Variants in ANAPC5 observed in about 807,000 individuals in gnomAD.
The protein encoded by ANAPC5 is anaphase-promoting complex subunit 5.
Under a neutral mutation model 91.3 loss-of-function variants are expected in ANAPC5, and 60 were observed. The ratio of observed to expected loss-of-function variants is 0.66; its 90% CI spans 0.53 to 0.81. ANAPC5 has a LOEUF of 0.81. Ranked by LOEUF, ANAPC5 falls within the 40% of genes least tolerant of loss-of-function variation. ANAPC5 has a pLI of 0.00. For synonymous variants in ANAPC5, 340 were observed against 364.1 expected (o/e 0.93, Z 0.75); for missense variants, 690 against 931.5 (o/e 0.74, Z 3.37).
intron 1 of ANAPC5, among the ~76,000 whole-genome samples, chr12:121,349,720 ATT>A (rs11408254): frequency 5.1e-5 from 7 of 138,264 alleles, no homozygotes; most frequent in Middle Eastern, 3.8e-3. Context: ...CACTGTTTCT[ATT>A]TTTTTTTTTT....
Position 121,309,785 on chromosome 12 carries a change from G to A in ANAPC5, c.1972C>T (p.Leu658=). ...AAGAACATGGCACGACCTTTGTCCAGGATAGCCCCGTCAGCCAAGATGGGC... is the reference window on the plus strand; with the variant it reads ...AAGAACATGGCACGACCTTTGTCCAAGATAGCCCCGTCAGCCAAGATGGGC... The part of the protein sequence containing the change: ...IEPILADGAI[L]DKGRAMFLVA... The change falls in exon 16 of 17, where the codon CTG becomes TTG. Residue 658 remains leucine, a synonymous_variant. Coordinates refer to ENST00000261819, the MANE Select transcript of ANAPC5 (RefSeq NM_016237.5). 1 of 1,614,182 alleles carries A rather than the reference G, an allele frequency of 6.2e-7. No individual in the cohort carries two copies. Among genetic ancestry groups the A allele is most frequent in the Middle Eastern group, 1.6e-4 (1 of 6,062 alleles).
intron 15 of ANAPC5, among the ~76,000 whole-genome samples, chr12:121,313,280 T>C (rs1015063151): frequency 1.2e-4 from 18 of 152,036 alleles, no homozygotes; most frequent in African/African-American, 4.1e-4. Context: ...GAGCCAAGAT[T>C]GCACCATTGC....
chr12:121,331,482 C>A, intron 7 of ANAPC5, 54 bp from the exon 8 acceptor site: 1 of 1,461,898 alleles, frequency 6.8e-7, no homozygotes, highest in East Asian at 2.3e-5. Context: ...CATGCATAAG[C>A]AACCATAGCA....
chr12:121,323,798 G>A (rs1382728791), intron 11 of ANAPC5, among the ~76,000 whole-genome samples: 2 of 152,172 alleles, frequency 1.3e-5, no homozygotes, highest in South Asian at 2.1e-4. Context: ...CATTATTCCT[G>A]TGATTTTAAC....
chr12:121,322,788 C>T, intron 11 of ANAPC5, among the ~76,000 whole-genome samples: 1 of 152,078 alleles, frequency 6.6e-6, no homozygotes, highest in East Asian at 1.9e-4. Context: ...TCTGGGAGGC[C>T]AAGGAGGGCA....
chr12:121,339,738 G>T (rs1209861580), intron 5 of ANAPC5, among the ~76,000 whole-genome samples: 1 of 152,102 alleles, frequency 6.6e-6, no homozygotes, highest in Non-Finnish European at 1.5e-5. Context: ...CAGATTGCTG[G>T]GATTACAGGC....
chr12:121,347,753 T>G, intron 2 of ANAPC5, 49 bp downstream of exon 2: 1 of 1,421,930 alleles, frequency 7.0e-7, no homozygotes, highest in Non-Finnish European at 9.9e-7. Flanking sequence ...TTTGTGATTT[T>G]CATCTACCTT....
At chr12:121,332,201 G>A (rs143099018) in intron 7 of ANAPC5, 6,459 of 152,314 alleles carry the variant, frequency 0.042, 170 homozygotes, top group South Asian at 0.088. Flanking sequence ...GGCCTCAAGC[G>A]ATCCTCCTTC....
chr12:121,352,809 G>A (rs925616722), upstream of ANAPC5, among the ~76,000 whole-genome samples: 6 of 144,990 alleles, frequency 4.1e-5, no homozygotes, highest in African/African-American at 1.5e-4. Context: ...ATTCGTAGAC[G>A]CCCTCAAAGA....
intron 11 of ANAPC5, among the ~76,000 whole-genome samples, 200 bp downstream of exon 11, chr12:121,326,896 T>C (rs2136780438): frequency 6.6e-6 from 1 of 152,316 alleles, no homozygotes; most frequent in South Asian, 2.1e-4. Flanking sequence ...CCTTCATTGA[T>C]GCCAAAAAAA....
At chr12:121,312,844 C>T (rs1427764073) in intron 15 of ANAPC5, among the ~76,000 whole-genome samples, 2 of 151,060 alleles carry the variant, frequency 1.3e-5, no homozygotes, top group African/African-American at 4.9e-5. Context: ...TGTGCCACTG[C>T]ACTCCAACCT....
chr12:121,346,838 T>G (rs1903684671), intron 3 of ANAPC5, 58 bp downstream of exon 3: 1 of 1,059,352 alleles, frequency 9.4e-7, no homozygotes, highest in Non-Finnish European at 1.4e-6. Flanking sequence ...AGACATGACT[T>G]AGAAAGCTGC....
intron 15 of ANAPC5, among the ~76,000 whole-genome samples, chr12:121,314,747 A>G (rs1278513631): frequency 6.6e-6 from 1 of 151,732 alleles, no homozygotes; most frequent in Non-Finnish European, 1.5e-5. Flanking sequence ...TCCTCAGCCT[A>G]CCTAGTAGCT....
At chr12:121,352,718 T>TTGTTGTTGGTGGTGGTGGTGGTGGTGG (rs71079056), upstream of ANAPC5, among the ~76,000 whole-genome samples, 48 of 102,436 alleles carry the variant, frequency 4.7e-4, 1 homozygote, top group Admixed American at 6.9e-4. Flanking sequence ...GTTGTTGTTG[T>TTGTTGTTGGTGGTGGTGGTGGTGGTGG]TGGTGGTGGT....
chr12:121,346,194 C>T (rs1262546938), intron 3 of ANAPC5, 163 bp from the exon 4 acceptor site: 6 of 593,628 alleles, frequency 1.0e-5, no homozygotes, highest in Admixed American at 3.3e-5. Context: ...TGTTCTTCCC[C>T]AGTCCTTTAC....
At chr12:121,327,333 C>T in intron 10 of ANAPC5, 102 bp from the exon 11 acceptor site, 3 of 1,406,232 alleles carry the variant, frequency 2.1e-6, no homozygotes, top group Admixed American at 2.6e-5. Flanking sequence ...AGTCATACAC[C>T]TCACAGGCTC....
chr12:121,336,522 A>T (rs1230298492), intron 6 of ANAPC5, among the ~76,000 whole-genome samples: 1 of 152,042 alleles, frequency 6.6e-6, no homozygotes, highest in African/African-American at 2.4e-5. Context: ...TACTAAAAAT[A>T]CAAAAAATTA....
At chr12:121,323,324 A>G (rs1480370954) in intron 11 of ANAPC5, among the ~76,000 whole-genome samples, 1 of 151,292 alleles carries the variant, frequency 6.6e-6, no homozygotes, top group Non-Finnish European at 1.5e-5. Flanking sequence ...TATTGTCGGG[A>G]TGTTTATCTT....
chr12:121,311,925 C>A (rs1902179844), intron 15 of ANAPC5, among the ~76,000 whole-genome samples: 1 of 152,144 alleles, frequency 6.6e-6, no homozygotes. Context: ...GACAGAAGAT[C>A]AGCAAGGAAA....
Sources: gnomAD v4.1 joint callset for allele counts (sites outside exome capture counted in the v4.1 genomes callset) on GRCh38, gnomAD v4.1.1 for gene constraint, MANE v1.5 for transcripts, NCBI Gene and HGNC (gene_info 2026-07-23, HGNC 2026-07-21) for gene names.